WASF2: variants seen among roughly 807,000 people sequenced by gnomAD.
WASF2 encodes the protein actin-binding protein WASF2.
A neutral mutation model predicts 45.0 loss-of-function variants in WASF2; 14 were observed. The ratio of observed to expected loss-of-function variants is 0.31; its 90% CI spans 0.21 to 0.49. The LOEUF (loss-of-function observed/expected upper bound fraction) is 0.49. Ranked by LOEUF, WASF2 falls within the 20% of genes least tolerant of loss-of-function variation. The probability of loss-of-function intolerance (pLI) is 0.99; values close to 1 mark genes in which losing one functional copy is unlikely to be tolerated. For missense variants in WASF2, 439 were observed against 636.1 expected (o/e 0.69, Z 3.33); for synonymous variants, 200 against 236.3 (o/e 0.85, Z 1.41).
intron 1 of WASF2, among the ~76,000 whole-genome samples, chr1:27,449,427 C>T (rs1218864251): frequency 1.3e-5 from 2 of 151,990 alleles, no homozygotes; most frequent in African/African-American, 4.8e-5. Context: ...GGTGAAACCC[C>T]ATCTCTACTA....
intron 1 of WASF2, among the ~76,000 whole-genome samples, chr1:27,455,993 T>C (rs1399084954): frequency 1.3e-5 from 2 of 152,096 alleles, no homozygotes; most frequent in African/African-American, 4.8e-5. Flanking sequence ...GACAGAAAGA[T>C]GAACATAAAT....
At chr1:27,440,220 C>T (rs1237185377) in intron 1 of WASF2, among the ~76,000 whole-genome samples, 1 of 151,952 alleles carries the variant, frequency 6.6e-6, no homozygotes, top group Non-Finnish European at 1.5e-5. Flanking sequence ...AGAGGCATTA[C>T]GATTCAAGAG....
At chr1:27,437,254 A>G (rs2017150222) in intron 1 of WASF2, among the ~76,000 whole-genome samples, 2 of 152,132 alleles carry the variant, frequency 1.3e-5, no homozygotes, top group Non-Finnish European at 2.9e-5. Flanking sequence ...TGTCTTTTAA[A>G]TGGCCAAAAT....
intron 2 of WASF2, among the ~76,000 whole-genome samples, chr1:27,426,565 C>A (rs1034449423): frequency 1.3e-5 from 2 of 150,388 alleles, no homozygotes; most frequent in East Asian, 3.9e-4. Flanking sequence ...TGCTGGAGTG[C>A]AGTGGCACAA....
At chr1:27,447,210 G>A (rs2017322867) in intron 1 of WASF2, among the ~76,000 whole-genome samples, 1 of 152,084 alleles carries the variant, frequency 6.6e-6, no homozygotes, top group South Asian at 2.1e-4. Context: ...CATTAACACA[G>A]AACTTTTTCC....
intron 1 of WASF2, among the ~76,000 whole-genome samples, chr1:27,465,495 A>T (rs1463104279): frequency 6.6e-6 from 1 of 151,808 alleles, no homozygotes; most frequent in Non-Finnish European, 1.5e-5. Flanking sequence ...AACCTACAAC[A>T]CTCTCACTAG....
chr1:27,487,496 A>T (rs1172563901), intron 1 of WASF2, among the ~76,000 whole-genome samples: 28 of 96,440 alleles, frequency 2.9e-4, no homozygotes, highest in Non-Finnish European at 4.0e-4. Context: ...ATATTATATA[A>T]TATTATAATA....
At chr1:27,441,911 C>T (rs1158091118) in intron 1 of WASF2, among the ~76,000 whole-genome samples, 6 of 140,148 alleles carry the variant, frequency 4.3e-5, no homozygotes, top group Non-Finnish European at 9.2e-5. Context: ...GGCGACACAA[C>T]GAGACTCCAT....
intron 1 of WASF2, among the ~76,000 whole-genome samples, chr1:27,461,556 G>A (rs1005872883): frequency 1.3e-5 from 2 of 150,032 alleles, no homozygotes; most frequent in South Asian, 2.1e-4. Flanking sequence ...TCCGCCTCCC[G>A]GGCTCACTCC....
chr1:27,460,768 G>C (rs918980955), intron 1 of WASF2, among the ~76,000 whole-genome samples: 13 of 152,118 alleles, frequency 8.5e-5, no homozygotes, highest in Non-Finnish European at 1.9e-4. Context: ...CTATAATTCA[G>C]AACATGAATT....
At chr1:27,440,244 G>T (rs535390249) in intron 1 of WASF2, among the ~76,000 whole-genome samples, 1 of 151,930 alleles carries the variant, frequency 6.6e-6, no homozygotes, top group African/African-American at 2.4e-5. Flanking sequence ...TTAAAATGGG[G>T]TGGGTATGGT....
At chr1:27,483,530 T>G (rs973310670) in intron 1 of WASF2, among the ~76,000 whole-genome samples, 6 of 151,856 alleles carry the variant, frequency 4.0e-5, no homozygotes, top group African/African-American at 1.5e-4. Flanking sequence ...CAGCTGCTAC[T>G]AGGTAAGGCT....
chr1:27,454,500 G>A (rs2017441136), intron 1 of WASF2, among the ~76,000 whole-genome samples: 1 of 151,882 alleles, frequency 6.6e-6, no homozygotes, highest in Non-Finnish European at 1.5e-5. Flanking sequence ...CCAATGCCCA[G>A]CTAGTTTTTA....
At chr1:27,409,179 C>T (rs997754620) in intron 8 of WASF2, among the ~76,000 whole-genome samples, 19 of 151,906 alleles carry the variant, frequency 1.3e-4, no homozygotes, top group African/African-American at 4.1e-4. Context: ...AATCCCAGCA[C>T]TTTGGGAGGC....
chr1:27,486,017 T>TA (rs2017919043), intron 1 of WASF2, among the ~76,000 whole-genome samples: 1 of 152,128 alleles, frequency 6.6e-6, no homozygotes, highest in Non-Finnish European at 1.5e-5. Context: ...GCCTATCACG[T>TA]AAGTTTTACC....
intron 5 of WASF2, 92 bp from the exon 6 acceptor site, chr1:27,415,055 G>C: frequency 1.3e-6 from 2 of 1,483,084 alleles, no homozygotes; most frequent in Non-Finnish European, 1.9e-6. Flanking sequence ...GTATCTAAGA[G>C]ATAATCTGCC....
intron 2 of WASF2, among the ~76,000 whole-genome samples, chr1:27,425,449 T>C (rs972220742): frequency 4.7e-5 from 7 of 150,456 alleles, no homozygotes; most frequent in East Asian, 2.0e-4. Context: ...ACGCCTGTAA[T>C]CCCAACACTT....
chr1:27,478,655 T>C (rs752052623), intron 1 of WASF2, among the ~76,000 whole-genome samples: 1 of 152,158 alleles, frequency 6.6e-6, no homozygotes, highest in Admixed American at 6.5e-5. Context: ...TGATCTCGGC[T>C]CACTGCAAAC....
In WASF2 at chr1:27,409,889, G is replaced by T; in HGVS notation, c.1142C>A (p.Pro381His). The part of the protein sequence containing the change: ...PAADYPTLPP[P>H]PLSQPTGGAP... ...TCCTCCTGTTGGCTGGGACAAGGGA[G>T]GTGGTGGCAGAGTTGGGTAGTCAGC... Residue 381 changes from proline (P) to histidine (H), a missense_variant, in exon 8 of 9, where the codon CCT (proline) becomes CAT (histidine). This residue lies in a region of WASF2 where 286 missense variants were observed against 373.5 expected (regional missense o/e 0.77). Transcript: ENST00000618852. The T allele has an allele frequency of 6.3e-7, 1 of 1,577,226 alleles. No homozygotes were observed. Among genetic ancestry groups the T allele is most frequent in the Non-Finnish European group, 8.6e-7 (1 of 1,158,520 alleles).
Sources: allele counts gnomAD v4.1 joint callset (sites outside exome capture counted in the v4.1 genomes callset), GRCh38; gene constraint gnomAD v4.1.1; regional missense constraint gnomAD v4.1.1; transcripts MANE v1.5; gene names NCBI Gene and HGNC (gene_info 2026-07-23, HGNC 2026-07-21).